The following DMAC1 variants were observed in gnomAD, a reference collection of about 807,000 sequenced individuals.
DMAC1 encodes the protein distal membrane arm assembly component 1.
Under a neutral mutation model 7.0 loss-of-function variants are expected in DMAC1, and 10 were observed. The observed-to-expected ratio is 1.43, with a 90% CI of 0.88 to 2.43. The LOEUF (loss-of-function observed/expected upper bound fraction) is 2.43. Among genes scored for constraint, DMAC1 ranks in the 30% most tolerant of loss-of-function variants. DMAC1 has a pLI of 0.00. For missense variants in DMAC1, 219 were observed against 158.7 expected (o/e 1.38, Z -2.04); for synonymous variants, 92 against 66.2 (o/e 1.39, Z -1.90).
rs1818614701 is a variant in DMAC1, at chr9:7,796,858, ACT to A, written c.*1713_*1714del. 6.6e-6 allele frequency: 1 copy of A among 152,036 alleles called. No homozygotes were observed. The highest frequency in any genetic ancestry group is 2.4e-5 in the African/African-American group (1 of 41,420). The allele number at this position is 152,036 out of a possible 1,614,324, so 9.4% of individuals were successfully genotyped here. ...TACAACACAAAAAATGTGTTAATCA[ACT>A]GCTTTATGTTATCAATAAGGCTTCC... is the stretch of plus-strand genomic sequence containing the variant. On this transcript the variant is annotated 3_prime_UTR_variant, in exon 2 of 2. Coordinates refer to ENST00000358227, the MANE Select transcript of DMAC1 (RefSeq NM_033428.3).
In DMAC1 at chr9:7,797,758, G is replaced by T. The variant is rs1185675777; in HGVS notation, c.*815C>A. ...TCTTGTGACATTTAAGTCTTTTATTGTATGCTGATTTTTATGATTATCTAA... is the reference window on the plus strand; with the variant it reads ...TCTTGTGACATTTAAGTCTTTTATTTTATGCTGATTTTTATGATTATCTAA... On this transcript the variant is annotated 3_prime_UTR_variant, in exon 2 of 2. Coordinates refer to ENST00000358227, the MANE Select transcript of DMAC1 (RefSeq NM_033428.3). 4.0e-5 allele frequency: 6 copies of T among 149,786 alleles called. No homozygotes were observed. The highest frequency in any genetic ancestry group is 6.7e-5 in the Admixed American group (1 of 15,030). 9.3% of individuals were successfully genotyped at this position (149,786 alleles called of 1,614,324 possible).
rs758061935 is a variant in DMAC1 at position 7,799,678 on chromosome 9, G to A, written c.57C>T (p.Thr19=). ...FESYITAPPG[T]AAAPAKPAPP... Reference sequence around the variant, plus strand: ...GCGCAGGTTTGGCGGGCGCGGCGGCGGTACCGGGAGGCGCAGTGATATAGG... The same window carrying A: ...GCGCAGGTTTGGCGGGCGCGGCGGCAGTACCGGGAGGCGCAGTGATATAGG... Residue 19 remains threonine (T), a synonymous_variant, in exon 1 of 2, where the codon ACC becomes ACT. Transcript: ENST00000358227. 5 of 1,602,020 alleles carry A rather than the reference G, an allele frequency of 3.1e-6. No individual in the cohort carries two copies. The East Asian group carries it at 8.9e-5, about 29-fold the overall frequency.
chr9:7,799,362 C>T, intron 1 of DMAC1, 99 bp downstream of exon 1: 2 of 1,304,356 alleles, frequency 1.5e-6, no homozygotes, highest in Admixed American at 2.6e-5. Context: ...CCAGCGGCAG[C>T]ACCCCGCCTC....
At chr9:7,799,339 C>T in intron 1 of DMAC1, 122 bp downstream of exon 1, 1 of 1,337,368 alleles carries the variant, frequency 7.5e-7, no homozygotes, top group Non-Finnish European at 1.0e-6. Context: ...TTTGAGGTGC[C>T]CCCACCACCT....
rs567435064 is a variant in DMAC1, at chr9:7,797,606, C to T, written c.*967G>A. ...AAAACCCAATAGGTAGAAAACATGG[C>T]CTTCTCTTAGAAATGAACTATGTAA... On this transcript the variant is annotated 3_prime_UTR_variant, in exon 2 of 2. Coordinates refer to ENST00000358227, the MANE Select transcript of DMAC1 (RefSeq NM_033428.3). 2 of 152,212 alleles carry T rather than the reference C, an allele frequency of 1.3e-5. No individual in the cohort carries two copies. Among genetic ancestry groups the T allele is most frequent in the African/African-American group, 2.4e-5 (1 of 41,544 alleles). The allele number at this position is 152,212 out of a possible 1,614,324, so 9.4% of individuals were successfully genotyped here.
At position 7,799,475 on chromosome 9, in the gene DMAC1, A is replaced by G; in HGVS notation, c.260T>C (p.Met87Thr). ...TTGATTCTCACTGAGGCCGATGACC[A>G]TCTGCGTAATGGTCCATGGACTCGG... ...YPPSPWTITQ[M>T]VIGLSIATWG... Residue 87 changes from methionine (M) to threonine (T), a missense_variant, in exon 1 of 2, where the codon ATG becomes ACG. Met to Thr is a moderately conservative substitution (Grantham distance 81). Coordinates refer to ENST00000358227, the MANE Select transcript of DMAC1 (RefSeq NM_033428.3). 2 of 1,612,704 alleles carry G rather than the reference A, an allele frequency of 1.2e-6. No individual in the cohort carries two copies. Among genetic ancestry groups the G allele is most frequent in the South Asian group, 1.1e-5 (1 of 90,996 alleles).
chr9:7,798,749 C>T (rs1818672776), intron 1 of DMAC1, 112 bp from the exon 2 acceptor site: 5 of 827,356 alleles, frequency 6.0e-6, no homozygotes, highest in African/African-American at 1.8e-5. Context: ...GATATATTAC[C>T]ATTGTATCTT....
chr9:7,796,631 T>C lies in DMAC1; in HGVS notation c.*1942A>G, dbSNP rs1234735041. On this transcript the variant is annotated 3_prime_UTR_variant, in exon 2 of 2. Coordinates refer to ENST00000358227, the MANE Select transcript of DMAC1 (RefSeq NM_033428.3). ...CAGGTTTGAACTGCGCAGGTCCACG[T>C]ATCTGTGGATTTTCTTCCACCTCTG... 6.6e-6 allele frequency: 1 copy of C among 152,212 alleles called. No individual in the cohort carries two copies. Among genetic ancestry groups the C allele is most frequent in the Admixed American group, 6.5e-5 (1 of 15,290 alleles). The allele number at this position is 152,212 out of a possible 1,614,324, so 9.4% of individuals were successfully genotyped here. A position where few individuals can be genotyped will look rare whatever the true frequency, so the allele number is the denominator to read the frequency against.
chr9:7,798,566 G>T lies in DMAC1; in HGVS notation c.*7C>A. The stretch of plus-strand genomic sequence containing the variant: ...AGAGACAGAAGACAGATTCACTGGT[G>T]GTACTTTCAAACAACGCGGTAGGCC... On this transcript the variant is annotated 3_prime_UTR_variant, in exon 2 of 2. Coordinates refer to ENST00000358227, the MANE Select transcript of DMAC1 (RefSeq NM_033428.3). The T allele has an allele frequency of 6.2e-7, 1 of 1,613,706 alleles. No homozygotes were observed. The highest frequency in any genetic ancestry group is 8.5e-7 in the Non-Finnish European group (1 of 1,179,684).
chr9:7,799,026 C>T (rs1818681692), intron 1 of DMAC1, among the ~76,000 whole-genome samples: 1 of 152,022 alleles, frequency 6.6e-6, no homozygotes, highest in Admixed American at 6.5e-5. Context: ...ATCTGGGATT[C>T]AAGGCAAATT....
Position 7,797,738 on chromosome 9 carries a change from T to C in DMAC1, c.*835A>G, listed in dbSNP as rs1818641703. The C allele has an allele frequency of 3.3e-5, 5 of 152,100 alleles. No individual in the cohort carries two copies. The South Asian group carries it at 1.0e-3, about 32-fold the overall frequency. The allele number at this position is 152,100 out of a possible 1,614,324, so 9.4% of individuals were successfully genotyped here. A position where few individuals can be genotyped will look rare whatever the true frequency, so the allele number is the denominator to read the frequency against. The stretch of plus-strand genomic sequence containing the variant: ...AGCTAAAGGTTTTGAATTTTTCTTG[T>C]GACATTTAAGTCTTTTATTGTATGC... On this transcript the variant is annotated 3_prime_UTR_variant, in exon 2 of 2. Transcript: ENST00000358227.
rs1346541489 is a variant in DMAC1 at position 7,797,895 on chromosome 9, A to G, written c.*678T>C. On this transcript the variant is annotated 3_prime_UTR_variant, in exon 2 of 2. Transcript: ENST00000358227. ...CTTACTGAATGACCCTAGGCAAATC[A>G]TGTGGGCTCTTTCTTGTGTTTTAAG... 1 of 152,234 alleles carries G rather than the reference A, an allele frequency of 6.6e-6. No homozygotes were observed. The highest frequency in any genetic ancestry group is 1.9e-4 in the East Asian group (1 of 5,198). 9.4% of individuals were successfully genotyped at this position (152,234 alleles called of 1,614,324 possible).
rs1818670627 is a variant in DMAC1, at chr9:7,798,648, A to G, written c.275-11T>C. ...CCCAGGTGGCAATGCCTAGAAAAAA[A>G]ACAACAATACCTTACCTTTATGCTG... On this transcript the variant is annotated splice_polypyrimidine_tract_variant and intron_variant, in intron 1 of 1. Coordinates refer to ENST00000358227, the MANE Select transcript of DMAC1 (RefSeq NM_033428.3). 2.6e-6 allele frequency: 4 copies of G among 1,553,470 alleles called. No homozygotes were observed. The highest frequency in any genetic ancestry group is 3.5e-6 in the Non-Finnish European group (4 of 1,146,942).
rs749086912 is a variant in DMAC1 at position 7,799,744 on chromosome 9, C to G, written c.-10G>C. The G allele has an allele frequency of 8.6e-6, 13 of 1,515,162 alleles. No individual in the cohort carries two copies. 93.9% of individuals were successfully genotyped at this position (1,515,162 alleles called of 1,614,324 possible). On this transcript the variant is annotated 5_prime_UTR_variant, in exon 1 of 2. Coordinates refer to ENST00000358227, the MANE Select transcript of DMAC1 (RefSeq NM_033428.3). The stretch of plus-strand genomic sequence containing the variant: ...ACAACCGAGACCCCATGCTCTGGAA[C>G]TCGGCCTCAACCTTGGGCGTCTTTG...
chr9:7,798,412 G>A lies in DMAC1; in HGVS notation c.*161C>T, dbSNP rs1371327713. 1.0e-5 allele frequency: 8 copies of A among 786,960 alleles called. No individual in the cohort carries two copies. Among genetic ancestry groups the A allele is most frequent in the Non-Finnish European group, 1.5e-5 (7 of 457,346 alleles). 48.7% of individuals were successfully genotyped at this position (786,960 alleles called of 1,614,324 possible). A position where few individuals can be genotyped will look rare whatever the true frequency, so the allele number is the denominator to read the frequency against. On this transcript the variant is annotated 3_prime_UTR_variant, in exon 2 of 2. Transcript: ENST00000358227. ...AGGCCACAAACACTCCATAGCCAGAGAATGACAACATACGATTTTCTTCTC... is the reference window on the plus strand; with the variant it reads ...AGGCCACAAACACTCCATAGCCAGAAAATGACAACATACGATTTTCTTCTC...
rs1818696825 is a variant in DMAC1 at position 7,799,522 on chromosome 9, C to CCACCCAG, written c.212_213insCTGGGTG (p.Lys71AsnfsTer91). Reference sequence around the variant, plus strand: ...TCGGGGGGTATCCCATCTTCATGGGCTTCCGTGCCACCCAGTACACGTACC... The same window carrying CCACCCAG: ...TCGGGGGGTATCCCATCTTCATGGGCCACCCAGTTCCGTGCCACCCAGTACACGTACC... On this transcript the variant is annotated frameshift_variant, in exon 1 of 2. Transcript: ENST00000358227. LOFTEE classifies it high-confidence loss of function. The CCACCCAG allele has an allele frequency of 6.2e-7, 1 of 1,613,574 alleles. No individual in the cohort carries two copies. The highest frequency in any genetic ancestry group is 1.3e-5 in the African/African-American group (1 of 74,906).
intron 1 of DMAC1, among the ~76,000 whole-genome samples, chr9:7,799,003 T>C (rs904692577): frequency 1.1e-4 from 17 of 152,198 alleles, no homozygotes; most frequent in African/African-American, 4.1e-4. Context: ...GAGCTTAGAA[T>C]CCACGTCTAA....
Position 7,796,805 on chromosome 9 carries a change from T to C in DMAC1, c.*1768A>G, listed in dbSNP as rs528942116. On this transcript the variant is annotated 3_prime_UTR_variant, in exon 2 of 2. Coordinates refer to ENST00000358227, the MANE Select transcript of DMAC1 (RefSeq NM_033428.3). ...ACATTTTTTTTTTCTCTAGCTTACC[T>C]TCTTGTAAGAATACGGAATATAATA... The C allele has an allele frequency of 3.3e-5, 5 of 151,864 alleles. No individual in the cohort carries two copies. In the South Asian group the frequency reaches 1.0e-3, roughly 32 times the overall value. The allele number at this position is 151,864 out of a possible 1,614,324, so 9.4% of individuals were successfully genotyped here.
At chr9:7,798,800 C>T (rs1818674070) in intron 1 of DMAC1, among the ~76,000 whole-genome samples, 163 bp from the exon 2 acceptor site, 1 of 151,598 alleles carries the variant, frequency 6.6e-6, no homozygotes. Flanking sequence ...AAAAAAAAAT[C>T]AGGAAAAAAA....
Sources: allele counts gnomAD v4.1 joint callset (sites outside exome capture counted in the v4.1 genomes callset), GRCh38; gene constraint gnomAD v4.1.1; transcripts MANE v1.5; gene names NCBI Gene and HGNC (gene_info 2026-07-23, HGNC 2026-07-21).